Variants in SH3D19 observed in about 807,000 individuals in gnomAD.
SH3D19 encodes SH3 domain-containing protein 19.
SH3D19 carries 58 observed loss-of-function variants against 112.1 expected under a neutral mutation model. That is an observed-to-expected ratio of 0.52 (90% confidence interval 0.42 to 0.64). SH3D19 has a LOEUF of 0.64. Ranked by LOEUF, SH3D19 falls within the 30% of genes least tolerant of loss-of-function variation. The pLI is 0.00. For synonymous variants in SH3D19, 391 were observed against 448.5 expected (o/e 0.87, Z 1.62); for missense variants, 1,090 against 1,263.4 (o/e 0.86, Z 2.08).
At chr4:151,235,178 C>T (rs1769946310) in intron 1 of SH3D19, among the ~76,000 whole-genome samples, 2 of 152,214 alleles carry the variant, frequency 1.3e-5, no homozygotes, top group South Asian at 4.2e-4. Context: ...TTTCAATCCT[C>T]CCCCTCCTCC....
chr4:151,189,270 T>A (rs1346516262), intron 2 of SH3D19, among the ~76,000 whole-genome samples: 1 of 151,994 alleles, frequency 6.6e-6, no homozygotes, highest in Non-Finnish European at 1.5e-5. Context: ...CCCACCACCA[T>A]GCCCAGCTGA....
intron 1 of SH3D19, among the ~76,000 whole-genome samples, chr4:151,243,715 C>T (rs1193007170): frequency 1.3e-5 from 2 of 152,200 alleles, no homozygotes; most frequent in African/African-American, 4.8e-5. Flanking sequence ...CAGGGCTATA[C>T]CGTAAGTCAA....
intron 3 of SH3D19, among the ~76,000 whole-genome samples, chr4:151,185,040 GTTTTTTTTTTTTTTTTTT>G (rs66567240): frequency 3.0e-5 from 2 of 66,522 alleles, no homozygotes; most frequent in African/African-American, 1.4e-4. Flanking sequence ...GCTGTGTCCT[GTTTTTTTTTTTTTTTTTT>G]TTTTTTTTTT....
At chr4:151,256,013 G>GGGGAGAGGGAGAGGGAGAGGGATA (rs1771878614) in intron 1 of SH3D19, among the ~76,000 whole-genome samples, 1 of 105,270 alleles carries the variant, frequency 9.5e-6, no homozygotes. Context: ...GGAAAGAGAG[G>GGGGAGAGGGAGAGGGAGAGGGATA]GGGAGAGGGA....
chr4:151,124,308 T>C (rs1356050348), intron 19 of SH3D19, among the ~76,000 whole-genome samples: 2 of 151,996 alleles, frequency 1.3e-5, no homozygotes, highest in African/African-American at 2.4e-5. Context: ...GGTTTCTCCA[T>C]GTTGGTCAGG....
At chr4:151,173,689 G>T (rs981943830) in intron 7 of SH3D19, among the ~76,000 whole-genome samples, 2 of 152,200 alleles carry the variant, frequency 1.3e-5, no homozygotes, top group Non-Finnish European at 2.9e-5. Context: ...TGTGCATGAT[G>T]AATATTTAAT....
At chr4:151,256,616 GA>G (rs1418581567) in intron 1 of SH3D19, among the ~76,000 whole-genome samples, 1 of 151,194 alleles carries the variant, frequency 6.6e-6, no homozygotes, top group African/African-American at 2.4e-5. Flanking sequence ...TTACAATGGG[GA>G]AAAATTTTCT....
At chr4:151,259,492 C>T (rs17027485) in intron 1 of SH3D19, 5,633 of 152,374 alleles carry the variant, frequency 0.037, 320 homozygotes, top group African/African-American at 0.13. Context: ...GGGCGGCCCA[C>T]AGTCTCATCT....
At chr4:151,131,127 T>G (rs2149735415) in intron 17 of SH3D19, among the ~76,000 whole-genome samples, 1 of 152,290 alleles carries the variant, frequency 6.6e-6, no homozygotes, top group African/African-American at 2.4e-5. Flanking sequence ...TTATTTTATT[T>G]GATAAATCTA....
intron 17 of SH3D19, among the ~76,000 whole-genome samples, chr4:151,129,247 G>C (rs978404386): frequency 1.3e-5 from 2 of 152,182 alleles, no homozygotes; most frequent in Non-Finnish European, 1.5e-5. Context: ...TGGTGGGCTA[G>C]TGTAAGAACA....
At chr4:151,323,232 G>T (rs950763923) in intron 1 of SH3D19, among the ~76,000 whole-genome samples, 2 of 152,144 alleles carry the variant, frequency 1.3e-5, no homozygotes, top group African/African-American at 4.8e-5. Context: ...TGGTTATCAA[G>T]CTAGGTGAAA....
In SH3D19 at chr4:151,260,278, G is replaced by A. The variant is rs150193610; in HGVS notation, c.113-34192C>T. On this transcript the variant is annotated intron_variant, in intron 1 of 19. Transcript: ENST00000604030. ...TGTCATATATTTGCTGATAACACTCGCACTTGCATCTCTAGCCCCAAACAC... is the reference window on the plus strand; with the variant it reads ...TGTCATATATTTGCTGATAACACTCACACTTGCATCTCTAGCCCCAAACAC... Among the ~76,000 whole-genome samples, 17 of 152,086 alleles carry A rather than the reference G, an allele frequency of 1.1e-4. No individual in the cohort carries two copies. In the East Asian group the frequency reaches 1.6e-3, roughly 14 times the overall value.
intron 13 of SH3D19, 35 bp from the exon 14 acceptor site, chr4:151,137,897 C>T (rs779138164): frequency 3.9e-6 from 6 of 1,549,944 alleles, no homozygotes; most frequent in Non-Finnish European, 5.2e-6. Context: ...TATGATGAAT[C>T]ATCCTGGTTG....
rs768759168 is a variant in SH3D19 at position 151,159,338 on chromosome 4, G to A, written c.1657C>T (p.Pro553Ser). Residue 553 changes from proline to serine, a missense_variant, in exon 9 of 20, where the codon CCA becomes TCA. By Grantham distance (74) the Pro-to-Ser change is moderately conservative. Coordinates refer to ENST00000604030, the MANE Select transcript of SH3D19 (RefSeq NM_001378122.1). Reference protein sequence around the residue: ...AKPGKCLHEDPQSPPPLPAEK... With the variant: ...AKPGKCLHEDSQSPPPLPAEK... ...GCAGGGAGAGGAGGTGGACTTTGTGGATCCTCATGTAAACCTGGAAAAAGT... is the reference window on the plus strand; with the variant it reads ...GCAGGGAGAGGAGGTGGACTTTGTGAATCCTCATGTAAACCTGGAAAAAGT... 5 of 1,576,730 alleles carry A rather than the reference G, an allele frequency of 3.2e-6. No homozygotes were observed. In the South Asian group the frequency reaches 6.1e-5, roughly 19 times the overall value.
At chr4:151,285,799 C>T (rs1300344666) in intron 1 of SH3D19, among the ~76,000 whole-genome samples, 1 of 151,862 alleles carries the variant, frequency 6.6e-6, no homozygotes, top group African/African-American at 2.4e-5. Context: ...CCCAGAAGTT[C>T]ACATATGTAG....
At chr4:151,194,555 C>T (rs1315626838) in intron 2 of SH3D19, among the ~76,000 whole-genome samples, 1 of 151,720 alleles carries the variant, frequency 6.6e-6, no homozygotes, top group East Asian at 2.0e-4. Flanking sequence ...GCTGGGATTA[C>T]AGGTGCCCGC....
chr4:151,182,398 A>G (rs1005329389), intron 3 of SH3D19, among the ~76,000 whole-genome samples: 4 of 152,222 alleles, frequency 2.6e-5, no homozygotes, highest in African/African-American at 9.7e-5. Context: ...CTTAAAAGGT[A>G]ATTCAGTAGT....
In SH3D19 at chr4:151,128,187, A is replaced by G. The variant is rs1377239648; in HGVS notation, c.2912T>C (p.Phe971Ser). Residue 971 changes from phenylalanine to serine, a missense_variant, in exon 18 of 20, where the codon TTT (phenylalanine) becomes TCT (serine). Phe to Ser is a radical substitution (Grantham distance 155, BLOSUM62 -2). Transcript: ENST00000604030. ...QDREGIFPAV[F>S]VRPCPAEAKS... The stretch of plus-strand genomic sequence containing the variant: ...TGTCATACCTGGGCAGGGCCTCACA[A>G]ACACTGCTGGGAAGATCCCCTCCCT... 1 of 1,605,538 alleles carries G rather than the reference A, an allele frequency of 6.2e-7. No individual in the cohort carries two copies. Among genetic ancestry groups the G allele is most frequent in the Non-Finnish European group, 8.5e-7 (1 of 1,176,324 alleles).
chr4:151,194,709 C>T, intron 2 of SH3D19, among the ~76,000 whole-genome samples: 1 of 148,894 alleles, frequency 6.7e-6, no homozygotes, highest in African/African-American at 2.4e-5. Context: ...AGCCACCGTG[C>T]CTGGCTAAAC....
Sources: allele counts gnomAD v4.1 joint callset (sites outside exome capture counted in the v4.1 genomes callset), GRCh38; gene constraint gnomAD v4.1.1; transcripts MANE v1.5; gene names NCBI Gene and HGNC (gene_info 2026-07-23, HGNC 2026-07-21).